TCFL5: variants seen among roughly 807,000 people sequenced by gnomAD.
TCFL5 encodes transcription factor-like 5 protein.
A neutral mutation model predicts 44.3 loss-of-function variants in TCFL5; 9 were observed. That is an observed-to-expected ratio of 0.20 (90% confidence interval 0.12 to 0.35). TCFL5 has a LOEUF of 0.35. Ranked by LOEUF, TCFL5 falls within the 10% of genes least tolerant of loss-of-function variation. The pLI, the probability that TCFL5 is intolerant of heterozygous loss-of-function variation, is 1.00. For synonymous variants in TCFL5, 319 were observed against 271.6 expected (o/e 1.17, Z -1.72); for missense variants, 603 against 613.4 (o/e 0.98, Z 0.18).
chr20:62,853,017 G>C (rs957005636), intron 5 of TCFL5: 12 of 1,253,876 alleles, frequency 9.6e-6, no homozygotes, highest in Non-Finnish European at 1.2e-5. Context: ...CAGAAGTATA[G>C]TCACCCGGTC....
intron 1 of TCFL5, among the ~76,000 whole-genome samples, chr20:62,860,578 T>C (rs865852340): frequency 6.6e-6 from 1 of 152,228 alleles, no homozygotes; most frequent in Non-Finnish European, 1.5e-5. Context: ...GATGGGCAAC[T>C]ACAGGCTGGG....
chr20:62,843,696 AC>A (rs1219648851), intron 5 of TCFL5, among the ~76,000 whole-genome samples: 1 of 152,174 alleles, frequency 6.6e-6, no homozygotes, highest in Non-Finnish European at 1.5e-5. Flanking sequence ...AGCCGCCACC[AC>A]CTTTTCATCA....
At chr20:62,845,517 A>G in intron 5 of TCFL5, 18 of 1,433,800 alleles carry the variant, frequency 1.3e-5, no homozygotes, top group Non-Finnish European at 1.6e-5. Flanking sequence ...CTACATATAA[A>G]AAACACTTGC....
intron 5 of TCFL5, among the ~76,000 whole-genome samples, chr20:62,844,567 T>G (rs930325616): frequency 1.4e-5 from 2 of 145,068 alleles, no homozygotes; most frequent in Admixed American, 6.7e-5. Flanking sequence ...TTCTGTTTTT[T>G]TTTGTTTGTT....
At position 62,847,661 on chromosome 20, in the gene TCFL5, C is replaced by T. The variant is rs181384861; in HGVS notation, c.1381-5564G>A. 6.9e-3 allele frequency among the ~76,000 whole-genome samples: 1,055 copies of T among 152,342 alleles called. 12 individuals are homozygous for T. Among genetic ancestry groups the T allele is most frequent in the African/African-American group, 0.024 (998 of 41,566 alleles). On this transcript the variant is annotated intron_variant, in intron 5 of 5. Coordinates refer to ENST00000335351, the MANE Select transcript of TCFL5 (RefSeq NM_006602.4). Reference sequence around the variant, plus strand: ...CATTCTGCCACGAACAAGCTACAAACGCTTGCTCTGCAGCCGAGAGGCCCT... The same window carrying T: ...CATTCTGCCACGAACAAGCTACAAATGCTTGCTCTGCAGCCGAGAGGCCCT...
chr20:62,857,385 C>T lies in TCFL5; in HGVS notation c.1238+10G>A. 6.2e-7 allele frequency: 1 copy of T among 1,613,614 alleles called. No individual in the cohort carries two copies. Among genetic ancestry groups the T allele is most frequent in the Non-Finnish European group, 8.5e-7 (1 of 1,179,644 alleles). On this transcript the variant is annotated intron_variant, in intron 4 of 5. Transcript: ENST00000335351. ...TATGAGTCAGCCTGACAAGCAGTCA[C>T]ACGTATTACCTTCTATCTCTTTCCA...
chr20:62,856,705 C>A (rs78649153), intron 4 of TCFL5, among the ~76,000 whole-genome samples: 98 of 100,214 alleles, frequency 9.8e-4, no homozygotes, highest in Middle Eastern at 5.6e-3. Flanking sequence ...GACTCCGTCT[C>A]AAAAAAAAAA....
At position 62,844,575 on chromosome 20, in the gene TCFL5, G is replaced by GTT. The variant is rs1169875367; in HGVS notation, c.1381-2480_1381-2479dup. 1.0e-3 allele frequency among the ~76,000 whole-genome samples: 130 copies of GTT among 130,262 alleles called. 3 individuals carry two copies. Among genetic ancestry groups the GTT allele is most frequent in the African/African-American group, 4.5e-3 (114 of 25,568 alleles). The allele number at this position is 130,262 out of a possible 152,430, so 85.5% of individuals were successfully genotyped here. Reference sequence around the variant, plus strand: ...ATTTTTTTTCTGTTTTTTTTTGTTTGTTTTTTGTTTTTTTTTTTTTGAGAC... The same window carrying GTT: ...ATTTTTTTTCTGTTTTTTTTTGTTTGTTTTTTTTGTTTTTTTTTTTTTGAGAC... On this transcript the variant is annotated intron_variant, in intron 5 of 5. Coordinates refer to ENST00000335351, the MANE Select transcript of TCFL5 (RefSeq NM_006602.4).
Position 62,861,355 on chromosome 20 carries a change from A to G in TCFL5, c.316T>C (p.Tyr106His). The G allele has an allele frequency of 9.4e-7, 1 of 1,069,312 alleles. No individual in the cohort carries two copies. Among genetic ancestry groups the G allele is most frequent in the Non-Finnish European group, 1.1e-6 (1 of 886,832 alleles). The allele number at this position is 1,069,312 out of a possible 1,614,324, so 66.2% of individuals were successfully genotyped here. A position where few individuals can be genotyped will look rare whatever the true frequency, so the allele number is the denominator to read the frequency against. The change falls in exon 1 of 6, where the codon TAC becomes CAC. Residue 106 changes from tyrosine to histidine, a missense_variant. Coordinates refer to ENST00000335351, the MANE Select transcript of TCFL5 (RefSeq NM_006602.4). This position sits in a 1 kb window ranked among gnomAD's most constrained non-coding sequence, Gnocchi z 4.0. Reference sequence around the variant, plus strand: ...AGCGCGGACGGGCACAGCACGGGGTACACGGGCGCCGCGCCCCCCTGACCG... The same window carrying G: ...AGCGCGGACGGGCACAGCACGGGGTGCACGGGCGCCGCGCCCCCCTGACCG... ...AGGQGGAAPV[Y>H]PVLCPSALAA... is the part of the protein sequence containing the mutation.
Position 62,853,436 on chromosome 20 carries a change from TC to T in TCFL5, c.1380+579del, listed in dbSNP as rs202086759. 6.8e-3 allele frequency among the ~76,000 whole-genome samples: 1,035 copies of T among 152,044 alleles called. 31 individuals carry two copies. The highest frequency in any genetic ancestry group is 0.037 in the Admixed American group (562 of 15,274). On this transcript the variant is annotated intron_variant, in intron 5 of 5. Coordinates refer to ENST00000335351, the MANE Select transcript of TCFL5 (RefSeq NM_006602.4). ...ATCTCAGCTCACTGCAGCCTCGACC[TC>T]CCTGGCTCAATTGATCCTCCCTCCC...
At chr20:62,859,076 CTTGAAAATAA>C (rs1443171598) in intron 3 of TCFL5, among the ~76,000 whole-genome samples, 3 of 152,160 alleles carry the variant, frequency 2.0e-5, no homozygotes, top group Non-Finnish European at 4.4e-5. Context: ...CTTTCAGTAA[CTTGAAAATAA>C]CTGAAAATTT....
intron 4 of TCFL5, among the ~76,000 whole-genome samples, chr20:62,855,645 A>G (rs910359500): frequency 6.6e-6 from 1 of 152,230 alleles, no homozygotes; most frequent in African/African-American, 2.4e-5. Context: ...GCATGCCTGT[A>G]ATCCCAGCTA....
At chr20:62,849,001 C>G (rs772292810) in intron 5 of TCFL5, among the ~76,000 whole-genome samples, 16 of 152,048 alleles carry the variant, frequency 1.1e-4, no homozygotes, top group Non-Finnish European at 1.3e-4. Flanking sequence ...AACCTGGTCT[C>G]TACTAAAAAT....
At chr20:62,851,720 G>C in intron 5 of TCFL5, 1 of 985,436 alleles carries the variant, frequency 1.0e-6, no homozygotes, top group Non-Finnish European at 1.2e-6. Flanking sequence ...ACAGAGACAA[G>C]ACAAACTATT....
At chr20:62,846,830 T>C (rs530722606) in intron 5 of TCFL5, among the ~76,000 whole-genome samples, 92 of 151,534 alleles carry the variant, frequency 6.1e-4, no homozygotes, top group Non-Finnish European at 1.1e-3. Flanking sequence ...AAAATTTTCT[T>C]AGTAAGAAAA....
chr20:62,855,309 G>C (rs962110904), intron 4 of TCFL5, among the ~76,000 whole-genome samples: 5 of 152,104 alleles, frequency 3.3e-5, no homozygotes, highest in Non-Finnish European at 7.3e-5. Flanking sequence ...CGACAGGTGT[G>C]CAACACCACC....
At position 62,857,632 on chromosome 20, in the gene TCFL5, G is replaced by C. The variant is rs1459032732; in HGVS notation, c.1001C>G (p.Ala334Gly). 2 of 1,609,094 alleles carry C rather than the reference G, an allele frequency of 1.2e-6. No individual in the cohort carries two copies. Among genetic ancestry groups the C allele is most frequent in the African/African-American group, 1.3e-5 (1 of 74,678 alleles). The change falls in exon 4 of 6, where the codon GCG becomes GGG. Residue 334 changes from alanine (A) to glycine (G), a missense_variant. Transcript: ENST00000335351. The part of the protein sequence containing the change: ...EQVWIKVGEA[A>G]LCKQALKRNR... ...CCTCTTCAGTGCTTGTTTGCATAGC[G>C]CTGCTTCTTTGCGAAAGAAGAAAAA...
chr20:62,842,244 C>G lies in TCFL5; in HGVS notation c.1381-147G>C. 3 of 1,012,154 alleles carry G rather than the reference C, an allele frequency of 3.0e-6. No homozygotes were observed. Among genetic ancestry groups the G allele is most frequent in the Non-Finnish European group, 4.3e-6 (3 of 703,208 alleles). The allele number at this position is 1,012,154 out of a possible 1,614,324, so 62.7% of individuals were successfully genotyped here. On this transcript the variant is annotated intron_variant, in intron 5 of 5. Transcript: ENST00000335351. This position sits in a 1 kb window ranked among gnomAD's most constrained non-coding sequence, Gnocchi z 4.3. ...GTGTCATTCACAAACTTGTGTCTTA[C>G]CTCACAAGGGGATTTATATAATAAA...
chr20:62,855,797 T>C (rs986598555), intron 4 of TCFL5, among the ~76,000 whole-genome samples: 3 of 152,084 alleles, frequency 2.0e-5, no homozygotes, highest in African/African-American at 7.2e-5. Flanking sequence ...AATAAATAAA[T>C]TGCCTTAGCT....
Sources: allele counts gnomAD v4.1 joint callset (sites outside exome capture counted in the v4.1 genomes callset), GRCh38; gene constraint gnomAD v4.1.1; non-coding constraint Gnocchi (gnomAD v3.1); transcripts MANE v1.5; gene names NCBI Gene and HGNC (gene_info 2026-07-23, HGNC 2026-07-21).